Variants in CCDC82 observed in about 807,000 individuals in gnomAD.
CCDC82 encodes the protein coiled-coil domain containing 82, also known as coiled-coil domain-containing protein 82.
CCDC82 carries 47 observed loss-of-function variants against 60.6 expected under a neutral mutation model. That is an observed-to-expected ratio of 0.77 (90% CI 0.61 to 0.99). The LOEUF (loss-of-function observed/expected upper bound fraction) is 0.99, where lower values mean the gene tolerates loss of function less well. Ranked by LOEUF, CCDC82 falls within the 50% of genes least tolerant of loss-of-function variation. The pLI is 0.00. For missense variants in CCDC82, 588 were observed against 633.0 expected (o/e 0.93, Z 0.76); for synonymous variants, 212 against 207.4 (o/e 1.02, Z -0.19).
At chr11:96,374,204 C>T (rs1865443934) in intron 5 of CCDC82, among the ~76,000 whole-genome samples, 1 of 152,194 alleles carries the variant, frequency 6.6e-6, no homozygotes, top group Non-Finnish European at 1.5e-5. Flanking sequence ...ACATGCCCTG[C>T]TCAGGGCACC....
intron 3 of CCDC82, 102 bp from the exon 4 acceptor site, chr11:96,384,863 C>T (rs750198108): frequency 2.1e-5 from 14 of 670,032 alleles, no homozygotes; most frequent in Non-Finnish European, 3.1e-5. Context: ...TTTAATGGTC[C>T]ACAAACACAA....
chr11:96,356,862 C>T, intron 9 of CCDC82: 1 of 985,218 alleles, frequency 1.0e-6, no homozygotes, highest in African/African-American at 1.7e-5. Context: ...AGTAAAATGG[C>T]TGAAGAAGCA....
At chr11:96,388,807 A>G (rs1204149266) in intron 1 of CCDC82, 1 of 152,230 alleles carries the variant, frequency 6.6e-6, no homozygotes, top group Non-Finnish European at 1.5e-5. Context: ...TGGGTGTAAA[A>G]CATCACTCCT....
chr11:96,353,433 A>G lies in CCDC82; in HGVS notation c.*213T>C, dbSNP rs1864181634. 1 of 465,594 alleles carries G rather than the reference A, an allele frequency of 2.1e-6. No individual in the cohort carries two copies. The allele number at this position is 465,594 out of a possible 1,614,324, so 28.8% of individuals were successfully genotyped here. ...CTTTAAAATATATTTACAGACTTAAAAATTAAGATAATGCTTTTATGTACA... is the reference window on the plus strand; with the variant it reads ...CTTTAAAATATATTTACAGACTTAAGAATTAAGATAATGCTTTTATGTACA... On this transcript the variant is annotated 3_prime_UTR_variant, in exon 10 of 10. Transcript: ENST00000646818.
At chr11:96,368,550 T>C (rs1408491763) in intron 7 of CCDC82, among the ~76,000 whole-genome samples, 1 of 152,084 alleles carries the variant, frequency 6.6e-6, no homozygotes, top group Non-Finnish European at 1.5e-5. Flanking sequence ...AGCCAGGCAT[T>C]TACTTCTTTT....
chr11:96,382,142 A>AACACCTGT (rs1483924947), intron 5 of CCDC82: 1 of 151,842 alleles, frequency 6.6e-6, no homozygotes, highest in Non-Finnish European at 1.5e-5. Context: ...TTGAGGGAAA[A>AACACCTGT]ACACCTGTGC....
At position 96,384,175 on chromosome 11, in the gene CCDC82, G is replaced by A; in HGVS notation, c.573C>T (p.Asp191=). ...TATCGCTGTCATCACTCTCATCACTGTCACACATCACAGAGGATAGCCTTT... is the reference window on the plus strand; with the variant it reads ...TATCGCTGTCATCACTCTCATCACTATCACACATCACAGAGGATAGCCTTT... ...KRKRLSSVMC[D]SDESDDSDIL... Residue 191 remains aspartate (D), a synonymous_variant, in exon 4 of 10, where the codon GAC becomes GAT. Transcript: ENST00000646818. 1 of 1,613,826 alleles carries A rather than the reference G, an allele frequency of 6.2e-7. No individual in the cohort carries two copies. Among genetic ancestry groups the A allele is most frequent in the Non-Finnish European group, 8.5e-7 (1 of 1,179,836 alleles).
intron 5 of CCDC82, among the ~76,000 whole-genome samples, chr11:96,379,135 C>A (rs1865737664): frequency 6.6e-6 from 1 of 151,844 alleles, no homozygotes; most frequent in Non-Finnish European, 1.5e-5. Flanking sequence ...TACAACTTAA[C>A]CCAAGTCGTA....
intron 8 of CCDC82, chr11:96,364,716 GAATT>G (rs1453802691): frequency 9.4e-5 from 26 of 277,204 alleles, no homozygotes; most frequent in Admixed American, 5.3e-5. Context: ...TATTCATACA[GAATT>G]AATAGCATCT....
chr11:96,385,824 T>C (rs2136218471), intron 3 of CCDC82: 1 of 152,210 alleles, frequency 6.6e-6, no homozygotes, highest in East Asian at 1.9e-4. Context: ...AAATAACATA[T>C]GTAGTTCTGT....
intron 7 of CCDC82, among the ~76,000 whole-genome samples, chr11:96,366,100 T>C (rs1222436965): frequency 1.3e-5 from 2 of 152,214 alleles, no homozygotes; most frequent in African/African-American, 2.4e-5. Context: ...ACTAACCACC[T>C]TCCTTTCCTG....
intron 5 of CCDC82, among the ~76,000 whole-genome samples, chr11:96,374,860 A>G (rs562654799): frequency 9.9e-5 from 15 of 152,268 alleles, no homozygotes; most frequent in African/African-American, 3.4e-4. Context: ...TATTTATTAG[A>G]TAGATTTGTC....
chr11:96,373,774 T>C, intron 5 of CCDC82, among the ~76,000 whole-genome samples: 1 of 152,186 alleles, frequency 6.6e-6, no homozygotes, highest in East Asian at 1.9e-4. Context: ...TGCACACCTA[T>C]ATTTAATTAT....
intron 8 of CCDC82, among the ~76,000 whole-genome samples, chr11:96,362,640 T>G (rs1591170448): frequency 6.6e-6 from 1 of 152,178 alleles, no homozygotes; most frequent in East Asian, 1.9e-4. Flanking sequence ...ATCTATGTCC[T>G]TAAACTTTAT....
chr11:96,382,310 G>A (rs909922708), intron 5 of CCDC82: 1 of 151,796 alleles, frequency 6.6e-6, no homozygotes, highest in African/African-American at 2.4e-5. Flanking sequence ...ACAATTCGGT[G>A]TTTTGTCGCC....
intron 6 of CCDC82, 121 bp downstream of exon 6, chr11:96,373,254 G>A: frequency 1.7e-6 from 1 of 591,630 alleles, no homozygotes; most frequent in South Asian, 2.4e-5. Flanking sequence ...GGAAAACATT[G>A]GAAGGTCTTA....
intron 7 of CCDC82, among the ~76,000 whole-genome samples, chr11:96,366,009 G>A (rs1475385864): frequency 1.3e-5 from 2 of 152,152 alleles, no homozygotes; most frequent in Non-Finnish European, 2.9e-5. Context: ...TTTTCTGGTG[G>A]TCAACTTTTC....
At chr11:96,361,996 A>G (rs1013334209) in intron 8 of CCDC82, among the ~76,000 whole-genome samples, 6 of 152,374 alleles carry the variant, frequency 3.9e-5, no homozygotes, top group Non-Finnish European at 7.3e-5. Context: ...GATAAATATG[A>G]GACTGAGTCA....
At position 96,384,312 on chromosome 11, in the gene CCDC82, CTAT is replaced by C; in HGVS notation, c.433_435del (p.Ile145del). ...CTTAAATGTTTTTCCTGATCATCCT[CTAT>C]TATTTGTCCAGTTTGTTTGTTGAGA... On this transcript the variant is annotated inframe_deletion, in exon 4 of 10. Transcript: ENST00000646818. 6.2e-7 allele frequency: 1 copy of C among 1,613,586 alleles called. No individual in the cohort carries two copies. The highest frequency in any genetic ancestry group is 8.5e-7 in the Non-Finnish European group (1 of 1,179,738).
Sources: gnomAD v4.1 joint callset for allele counts (sites outside exome capture counted in the v4.1 genomes callset) on GRCh38, gnomAD v4.1.1 for gene constraint, MANE v1.5 for transcripts, NCBI Gene and HGNC (gene_info 2026-07-23, HGNC 2026-07-21) for gene names.